CLPB: variants seen among roughly 807,000 people sequenced by gnomAD.
CLPB encodes mitochondrial disaggregase.
CLPB carries 40 observed loss-of-function variants against 78.4 expected under a neutral mutation model. The observed-to-expected ratio is 0.51, with a 90% CI of 0.40 to 0.66. The LOEUF (loss-of-function observed/expected upper bound fraction) is 0.66, where lower values mean the gene tolerates loss of function less well. CLPB is among the 30% of genes least tolerant of loss of function. CLPB has a pLI of 0.00. For missense variants in CLPB, 780 were observed against 886.9 expected (o/e 0.88, Z 1.53); for synonymous variants, 333 against 348.0 (o/e 0.96, Z 0.48).
intron 2 of CLPB, among the ~76,000 whole-genome samples, chr11:72,422,281 A>C (rs912596255): frequency 7.3e-5 from 11 of 151,186 alleles, no homozygotes; most frequent in South Asian, 6.2e-4. Flanking sequence ...AAAAAAAAAA[A>C]AAAAAAAAAA....
chr11:72,322,310 ATAGCTAGGT>A (rs1317554163), intron 6 of CLPB, among the ~76,000 whole-genome samples: 2 of 152,144 alleles, frequency 1.3e-5, no homozygotes, highest in Non-Finnish European at 2.9e-5. Flanking sequence ...TCCTCTGCAA[ATAGCTAGGT>A]GGATCAGAGA....
intron 4 of CLPB, among the ~76,000 whole-genome samples, chr11:72,375,041 T>G (rs1854642336): frequency 6.6e-6 from 1 of 152,160 alleles, no homozygotes; most frequent in African/African-American, 2.4e-5. Flanking sequence ...ATTCTCACAA[T>G]CCACTGAGTA....
intron 4 of CLPB, among the ~76,000 whole-genome samples, chr11:72,368,919 T>C (rs1330874174): frequency 6.6e-6 from 1 of 152,184 alleles, no homozygotes; most frequent in Admixed American, 6.5e-5. Context: ...CCTCACCTCA[T>C]TATCACCCCA....
chr11:72,384,688 G>A (rs561172073), intron 3 of CLPB, among the ~76,000 whole-genome samples: 110 of 152,194 alleles, frequency 7.2e-4, no homozygotes, highest in African/African-American at 2.3e-3. Context: ...GACTAAATAC[G>A]AAGGAATGGA....
At chr11:72,422,842 G>C (rs1203117051) in intron 2 of CLPB, among the ~76,000 whole-genome samples, 1 of 152,132 alleles carries the variant, frequency 6.6e-6, no homozygotes, top group African/African-American at 2.4e-5. Flanking sequence ...CAATGTGCAG[G>C]ACATTTACCT....
intron 4 of CLPB, among the ~76,000 whole-genome samples, chr11:72,375,734 T>G (rs1255822364): frequency 1.3e-5 from 2 of 152,222 alleles, no homozygotes; most frequent in Admixed American, 6.5e-5. Flanking sequence ...GATGAGGGGC[T>G]AGACTATGTA....
chr11:72,293,756 T>TAACA (rs1310638676), intron 15 of CLPB, 141 bp from the exon 16 acceptor site: 1 of 1,078,984 alleles, frequency 9.3e-7, no homozygotes, highest in Non-Finnish European at 1.3e-6. Flanking sequence ...TTGGGGCTAA[T>TAACA]AACAGCTAGC....
rs1362604874 is a variant in CLPB, at chr11:72,293,362, GGCTGCTAGATGGTGTT to G, written c.2023_*4del. The G allele has an allele frequency of 1.1e-5, 17 of 1,611,760 alleles. No individual in the cohort carries two copies. The highest frequency in any genetic ancestry group is 1.4e-5 in the Non-Finnish European group (17 of 1,178,190). On this transcript the variant is annotated stop_lost and 3_prime_UTR_variant, in exon 16 of 16. Transcript: ENST00000538039. ...TGAGGGCACATAGGAGCAGGCAGGT[GGCTGCTAGATGGTGTT>G]GCACACCTTCTCAGGGTGCAGTGGT...
Position 72,398,549 on chromosome 11 carries a change from C to A in CLPB, c.542+4417G>T, listed in dbSNP as rs1289883482. The stretch of plus-strand genomic sequence containing the variant: ...GTCCGTGTTTGGTAAAATTGGATTT[C>A]TTTTCCTTCTTAAAGAAAAACTAAT... On this transcript the variant is annotated intron_variant, in intron 3 of 15. Transcript: ENST00000538039. Among the ~76,000 whole-genome samples the A allele has an allele frequency of 3.3e-5, 5 of 151,938 alleles. No homozygotes were observed. The East Asian group carries it at 9.7e-4, about 29-fold the overall frequency.
intron 3 of CLPB, among the ~76,000 whole-genome samples, chr11:72,382,570 T>C (rs7927430): frequency 0.084 from 12,750 of 152,020 alleles, 839 homozygotes; most frequent in African/African-American, 0.19. Context: ...GCTCCAAGCT[T>C]AACCCTATGA....
At chr11:72,365,922 G>A (rs1410606465) in intron 4 of CLPB, among the ~76,000 whole-genome samples, 1 of 152,146 alleles carries the variant, frequency 6.6e-6, no homozygotes, top group African/African-American at 2.4e-5. Context: ...ATGGATTAAA[G>A]ATTTAAGTGT....
intron 2 of CLPB, among the ~76,000 whole-genome samples, chr11:72,403,519 T>A (rs1387661855): frequency 6.6e-6 from 1 of 152,182 alleles, no homozygotes; most frequent in Non-Finnish European, 1.5e-5. Flanking sequence ...CCTTAACTCA[T>A]CCAGTCCACA....
At chr11:72,418,397 G>A (rs1465832039) in intron 2 of CLPB, among the ~76,000 whole-genome samples, 4 of 152,218 alleles carry the variant, frequency 2.6e-5, no homozygotes, top group Non-Finnish European at 4.4e-5. Flanking sequence ...GCAATGGTGT[G>A]AGGCAGGTCA....
At chr11:72,334,209 A>G (rs1950279410) in intron 5 of CLPB, among the ~76,000 whole-genome samples, 2 of 152,214 alleles carry the variant, frequency 1.3e-5, no homozygotes, top group African/African-American at 4.8e-5. Context: ...AATTTCTAGT[A>G]GGAGTCGTGT....
intron 7 of CLPB, among the ~76,000 whole-genome samples, chr11:72,314,992 A>G (rs746330337): frequency 2.0e-5 from 3 of 152,158 alleles, no homozygotes; most frequent in Non-Finnish European, 4.4e-5. Flanking sequence ...ACTGGTGAGA[A>G]CTGATTCTAG....
At position 72,356,171 on chromosome 11, in the gene CLPB, C is replaced by G. The variant is rs180694177; in HGVS notation, c.775+2709G>C. 3.3e-5 allele frequency among the ~76,000 whole-genome samples: 5 copies of G among 151,956 alleles called. No homozygotes were observed. The East Asian group carries it at 9.7e-4, about 29-fold the overall frequency. On this transcript the variant is annotated intron_variant, in intron 5 of 15. Coordinates refer to ENST00000538039, the MANE Select transcript of CLPB (RefSeq NM_001258392.3). ...TGGTGGCACACGCCTGTGATCCTAGCTACTTGGGAGGCTGAAGGTAGGAGA... is the reference window on the plus strand; with the variant it reads ...TGGTGGCACACGCCTGTGATCCTAGGTACTTGGGAGGCTGAAGGTAGGAGA...
chr11:72,433,626 T>C (rs960346505), intron 1 of CLPB, among the ~76,000 whole-genome samples: 3 of 152,020 alleles, frequency 2.0e-5, no homozygotes, highest in African/African-American at 7.2e-5. Context: ...CGAGTCAGGT[T>C]GTTCCTGACT....
chr11:72,308,417 G>A (rs1344039039), intron 8 of CLPB, 110 bp downstream of exon 8: 1 of 858,838 alleles, frequency 1.2e-6, no homozygotes, highest in Non-Finnish European at 2.0e-6. Flanking sequence ...AGCTCAAGTT[G>A]ACCTAGAGCT....
intron 2 of CLPB, among the ~76,000 whole-genome samples, chr11:72,408,555 T>C (rs1197445839): frequency 6.7e-6 from 1 of 150,270 alleles, no homozygotes; most frequent in Non-Finnish European, 1.5e-5. Flanking sequence ...TAATCCCAGC[T>C]ACTCGGGAGG....
Sources: allele counts gnomAD v4.1 joint callset (sites outside exome capture counted in the v4.1 genomes callset), GRCh38; gene constraint gnomAD v4.1.1; transcripts MANE v1.5; gene names NCBI Gene and HGNC (gene_info 2026-07-23, HGNC 2026-07-21).